GPR39: variants seen among roughly 807,000 people sequenced by gnomAD.
GPR39 encodes the protein G protein-coupled receptor 39.
A neutral mutation model predicts 18.4 loss-of-function variants in GPR39; 23 were observed. That is an observed-to-expected ratio of 1.25 (90% CI 0.90 to 1.77). GPR39 has a LOEUF of 1.77. Among genes scored for constraint, GPR39 ranks in the 40% most tolerant of loss-of-function variants. The pLI, the probability that GPR39 is intolerant of heterozygous loss-of-function variation, is 0.00. For synonymous variants in GPR39, 280 were observed against 257.9 expected, an observed-to-expected ratio of 1.09 and a Z score of -0.82; for missense variants, 647 against 602.4, an observed-to-expected ratio of 1.07 and a Z score of -0.78.
chr2:132,457,072 G>C (rs777272754), intron 1 of GPR39, among the ~76,000 whole-genome samples: 1 of 152,194 alleles, frequency 6.6e-6, no homozygotes, highest in Non-Finnish European at 1.5e-5. Context: ...CCTGAAGAGT[G>C]TTTTCCAACT....
intron 1 of GPR39, among the ~76,000 whole-genome samples, chr2:132,560,565 C>T (rs937085997): frequency 6.6e-6 from 1 of 152,232 alleles, no homozygotes; most frequent in African/African-American, 2.4e-5. Flanking sequence ...ACTGGCCTTC[C>T]GATTTCCCAG....
intron 1 of GPR39, among the ~76,000 whole-genome samples, chr2:132,571,696 G>T (rs1680443416): frequency 6.6e-6 from 1 of 152,070 alleles, no homozygotes; most frequent in Non-Finnish European, 1.5e-5. Flanking sequence ...ACCATCTGGG[G>T]GTCAGGAAGT....
At chr2:132,636,476 G>T (rs1231790290) in intron 1 of GPR39, among the ~76,000 whole-genome samples, 1 of 152,210 alleles carries the variant, frequency 6.6e-6, no homozygotes, top group African/African-American at 2.4e-5. Context: ...CTCCTGAAAT[G>T]CCCATGCAGG....
intron 1 of GPR39, among the ~76,000 whole-genome samples, chr2:132,552,888 ACACATATATATATAC>A (rs1484399347): frequency 8.3e-6 from 1 of 120,152 alleles, no homozygotes. Flanking sequence ...ATATATATAC[ACACATATATATATAC>A]ACACACATAT....
At chr2:132,628,429 C>G (rs562117926) in intron 1 of GPR39, among the ~76,000 whole-genome samples, 1 of 152,278 alleles carries the variant, frequency 6.6e-6, no homozygotes, top group East Asian at 1.9e-4. Flanking sequence ...TTTGGGAGGG[C>G]CCTGGCAGGA....
chr2:132,445,471 A>C lies in GPR39; in HGVS notation c.856+27573A>C, dbSNP rs148574998. On this transcript the variant is annotated intron_variant, in intron 1 of 1. Transcript: ENST00000329321. ...TTTGTTAATCAAAAGTTTAATTAAC[A>C]CACATACTAGAGTTACATATTTATT... is the stretch of plus-strand genomic sequence containing the variant. Among the ~76,000 whole-genome samples, 28 of 152,368 alleles carry C rather than the reference A, an allele frequency of 1.8e-4. No individual in the cohort carries two copies. In the East Asian group the frequency reaches 5.0e-3, roughly 27 times the overall value.
At chr2:132,622,268 C>G (rs545768926) in intron 1 of GPR39, among the ~76,000 whole-genome samples, 59 of 152,224 alleles carry the variant, frequency 3.9e-4, no homozygotes, top group African/African-American at 1.4e-3. Context: ...GTGGCGCACA[C>G]CTATAATCCC....
At chr2:132,631,764 C>T (rs1681653363) in intron 1 of GPR39, among the ~76,000 whole-genome samples, 1 of 151,736 alleles carries the variant, frequency 6.6e-6, no homozygotes, top group Admixed American at 6.6e-5. Flanking sequence ...GCGGAGTCAG[C>T]CTATGATGAG....
chr2:132,489,733 A>G (rs916471269), intron 1 of GPR39, among the ~76,000 whole-genome samples: 2 of 151,950 alleles, frequency 1.3e-5, no homozygotes, highest in Non-Finnish European at 2.9e-5. Context: ...CCTTTTATAT[A>G]TGCACTGCAG....
At chr2:132,482,132 C>T (rs1274687476) in intron 1 of GPR39, among the ~76,000 whole-genome samples, 2 of 152,190 alleles carry the variant, frequency 1.3e-5, no homozygotes, top group African/African-American at 4.8e-5. Context: ...AGCTCCTTTG[C>T]CTGCCTGTCT....
At chr2:132,603,029 A>ACTGGG (rs913315618) in intron 1 of GPR39, among the ~76,000 whole-genome samples, 1 of 152,128 alleles carries the variant, frequency 6.6e-6, no homozygotes, top group Non-Finnish European at 1.5e-5. Context: ...AAATCCCAAT[A>ACTGGG]CTGGGTATTT....
intron 1 of GPR39, among the ~76,000 whole-genome samples, chr2:132,427,674 G>GT (rs1003132005): frequency 1.3e-5 from 2 of 150,100 alleles, no homozygotes; most frequent in Non-Finnish European, 3.0e-5. Flanking sequence ...ACATCTTTTT[G>GT]TTTTTTCAGT....
In GPR39 at chr2:132,417,033, G is replaced by A. The variant is rs939817673; in HGVS notation, c.-10G>A. 4.3e-6 allele frequency: 7 copies of A among 1,611,086 alleles called. No individual in the cohort carries two copies. In the African/African-American group the frequency reaches 9.3e-5, roughly 22 times the overall value. On this transcript the variant is annotated 5_prime_UTR_variant, in exon 1 of 2. Transcript: ENST00000329321. ...AAGTCTTTGGACCTGGTAGCCTGGT[G>A]CTCTTTCTCATGGCTTCACCCAGCC...
chr2:132,549,434 G>A (rs1442192140), intron 1 of GPR39, among the ~76,000 whole-genome samples: 1 of 152,098 alleles, frequency 6.6e-6, no homozygotes, highest in Non-Finnish European at 1.5e-5. Context: ...GACTGAAAAG[G>A]AACAAAACGA....
At chr2:132,516,055 A>G (rs1209999482) in intron 1 of GPR39, among the ~76,000 whole-genome samples, 2 of 152,176 alleles carry the variant, frequency 1.3e-5, no homozygotes, top group African/African-American at 4.8e-5. Context: ...ACTGACGGAA[A>G]GATCTTACTT....
In GPR39 at chr2:132,645,319, C is replaced by G; in HGVS notation, c.1075C>G (p.Leu359Val). 1 of 1,614,212 alleles carries G rather than the reference C, an allele frequency of 6.2e-7. No homozygotes were observed. Among genetic ancestry groups the G allele is most frequent in the Non-Finnish European group, 8.5e-7 (1 of 1,180,034 alleles). The change falls in exon 2 of 2, where the codon CTG (leucine) becomes GTG (valine). Residue 359 changes from leucine to valine, a missense_variant. Leu to Val is a conservative substitution (Grantham distance 32). Coordinates refer to ENST00000329321, the MANE Select transcript of GPR39 (RefSeq NM_001508.3). ...QQFRRVFVQV[L>V]CCRLSLQHAN... is the part of the protein sequence containing the mutation. The stretch of plus-strand genomic sequence containing the variant: ...GTTTCGGCGGGTGTTCGTGCAGGTG[C>G]TGTGCTGCCGCCTGTCGCTGCAGCA...
In GPR39 at chr2:132,458,230, G is replaced by C. The variant is rs999989016; in HGVS notation, c.856+40332G>C. Among the ~76,000 whole-genome samples, 4 of 152,160 alleles carry C rather than the reference G, an allele frequency of 2.6e-5. No individual in the cohort carries two copies. In the East Asian group the frequency reaches 7.7e-4, roughly 29 times the overall value. On this transcript the variant is annotated intron_variant, in intron 1 of 1. Transcript: ENST00000329321. Reference sequence around the variant, plus strand: ...TTCTGCATCAGTCATGCTGGGAGCTGCAGACTGGAGCTGTTCCTATTTGGC... The same window carrying C: ...TTCTGCATCAGTCATGCTGGGAGCTCCAGACTGGAGCTGTTCCTATTTGGC...
intron 1 of GPR39, among the ~76,000 whole-genome samples, chr2:132,506,667 G>C (rs11694982): frequency 1.3e-5 from 2 of 151,824 alleles, no homozygotes; most frequent in Non-Finnish European, 2.9e-5. Flanking sequence ...AAAACCATCA[G>C]ATCTTGTGAG....
At chr2:132,470,089 A>G (rs556865610) in intron 1 of GPR39, among the ~76,000 whole-genome samples, 1 of 152,320 alleles carries the variant, frequency 6.6e-6, no homozygotes, top group African/African-American at 2.4e-5. Flanking sequence ...CTGACCCCCA[A>G]CTGGGCAAGA....
Sources: allele counts gnomAD v4.1 joint callset (sites outside exome capture counted in the v4.1 genomes callset), GRCh38; gene constraint gnomAD v4.1.1; transcripts MANE v1.5; gene names NCBI Gene and HGNC (gene_info 2026-07-23, HGNC 2026-07-21).